MAPK12: variants seen among roughly 807,000 people sequenced by gnomAD.
MAPK12 encodes MAP kinase 12.
A neutral mutation model predicts 49.1 loss-of-function variants in MAPK12; 49 were observed. The observed-to-expected ratio is 1.00, with a 90% CI of 0.79 to 1.27. MAPK12 has a LOEUF of 1.27. MAPK12 is among the 50% of genes most tolerant of loss of function. The pLI is 0.00. For synonymous variants in MAPK12, 251 were observed against 209.7 expected (o/e 1.20, Z -1.70); for missense variants, 554 against 502.4 (o/e 1.10, Z -0.98).
chr22:50,259,965 G>A (rs995953080), intron 2 of MAPK12, among the ~76,000 whole-genome samples: 8 of 146,556 alleles, frequency 5.5e-5, no homozygotes, highest in Non-Finnish European at 7.5e-5. Context: ...GTGGGTGGGA[G>A]CAGGGGGCCG....
In MAPK12 at chr22:50,255,689, C is replaced by A. The variant is rs375314561; in HGVS notation, c.697G>T (p.Asp233Tyr). The A allele has an allele frequency of 6.2e-7, 1 of 1,609,748 alleles. No homozygotes were observed. Among genetic ancestry groups the A allele is most frequent in the South Asian group, 1.1e-5 (1 of 91,062 alleles). Residue 233 changes from aspartate to tyrosine, a missense_variant, in exon 9 of 12, where the codon GAC (aspartate) becomes TAC (tyrosine). By Grantham distance (160) the Asp-to-Tyr change is radical. Transcript: ENST00000215659. ...KTLFKGSDHL[D>Y]QLKEIMKVTG... ...ACCTTCATGATCTCCTTCAGCTGGT[C>A]CAGGTCTGCACCGAGGTCAGGAACA...
At chr22:50,256,799 G>A (rs1410039078) in intron 5 of MAPK12, 136 bp downstream of exon 5, 1 of 1,510,672 alleles carries the variant, frequency 6.6e-7, no homozygotes, top group East Asian at 2.3e-5. Flanking sequence ...TGGGCACCCA[G>A]GCAGGTTCCC....
At position 50,261,389 on chromosome 22, in the gene MAPK12, C is replaced by G; in HGVS notation, c.121G>C (p.Val41Leu). 8.3e-7 allele frequency: 1 copy of G among 1,201,380 alleles called. No individual in the cohort carries two copies. Among genetic ancestry groups the G allele is most frequent in the Non-Finnish European group, 1.1e-6 (1 of 950,144 alleles). The allele number at this position is 1,201,380 out of a possible 1,614,324, so 74.4% of individuals were successfully genotyped here. A position where few individuals can be genotyped will look rare whatever the true frequency, so the allele number is the denominator to read the frequency against. The change falls in exon 1 of 12, where the codon GTG (valine) becomes CTG (leucine). Residue 41 changes from valine to leucine, a missense_variant. Transcript: ENST00000215659. ...CCCCGCCCGGCCCGCGCTCACCACA[C>G]CGCGCCGTAGGCGCCCGAGCCCACG... ...QPVGSGAYGA[V>L]CSAVDGRTGA...
At chr22:50,253,709 T>A in intron 11 of MAPK12, 1 of 580,708 alleles carries the variant, frequency 1.7e-6, no homozygotes, top group South Asian at 2.0e-5. Context: ...CACCACGGTC[T>A]GTCCTAAGAG....
At position 50,253,499 on chromosome 22, in the gene MAPK12, C is replaced by CGGGGGGGGG. The variant is rs762394051; in HGVS notation, c.1025-20_1025-19insCCCCCCCCC. ...GTAACACCTGGCGGGGGTGGGGGGG[C>CGGGGGGGGG]GGGCACAACAGAGAGGGGGGTCAGC... On this transcript the variant is annotated intron_variant, in intron 11 of 11. Coordinates refer to ENST00000215659, the MANE Select transcript of MAPK12 (RefSeq NM_002969.6). 4 of 660,036 alleles carry CGGGGGGGGG rather than the reference C, an allele frequency of 6.1e-6. No individual in the cohort carries two copies. The highest frequency in any genetic ancestry group is 3.9e-5 in the South Asian group (1 of 25,558). 40.9% of individuals were successfully genotyped at this position (660,036 alleles called of 1,614,324 possible).
At chr22:50,253,510 G>T (rs1028221711) in intron 11 of MAPK12, 30 bp from the exon 12 acceptor site, 2 of 840,820 alleles carry the variant, frequency 2.4e-6, no homozygotes, top group Non-Finnish European at 4.0e-6. Flanking sequence ...GGGCACAACA[G>T]AGAGGGGGGT....
chr22:50,258,603 G>A lies in MAPK12; in HGVS notation c.256-302C>T, dbSNP rs74974905. ...TGGGATGGCTCCGAACCATCCAAAGGGCTCCTGCCGCCTGACCCTTTCACC... is the reference window on the plus strand; with the variant it reads ...TGGGATGGCTCCGAACCATCCAAAGAGCTCCTGCCGCCTGACCCTTTCACC... On this transcript the variant is annotated intron_variant, in intron 2 of 11. Transcript: ENST00000215659. 7.9e-4 allele frequency among the ~76,000 whole-genome samples: 120 copies of A among 152,360 alleles called. No individual in the cohort carries two copies. In the East Asian group the frequency reaches 0.016, roughly 21 times the overall value.
chr22:50,255,782 C>G (rs749506892), intron 8 of MAPK12, 28 bp downstream of exon 8: 2 of 1,612,256 alleles, frequency 1.2e-6, no homozygotes, highest in South Asian at 2.2e-5. Flanking sequence ...CCACCCGCCC[C>G]TGGTGCCGCC....
Position 50,255,179 on chromosome 22 carries a change from C to A in MAPK12, c.1024+18G>T, listed in dbSNP as rs1401774490. On this transcript the variant is annotated intron_variant, in intron 11 of 11. Coordinates refer to ENST00000215659, the MANE Select transcript of MAPK12 (RefSeq NM_002969.6). Reference sequence around the variant, plus strand: ...CCACTTGGGTCCACACAGGCCGTGCCAGGAGCCCCCCACTCACGCTTCCAT... The same window carrying A: ...CCACTTGGGTCCACACAGGCCGTGCAAGGAGCCCCCCACTCACGCTTCCAT... 6.2e-7 allele frequency: 1 copy of A among 1,613,290 alleles called. No individual in the cohort carries two copies. Among genetic ancestry groups the A allele is most frequent in the Non-Finnish European group, 8.5e-7 (1 of 1,179,908 alleles).
intron 11 of MAPK12, 22 bp from the exon 12 acceptor site, chr22:50,253,502 G>GGGGGGGGCCCCCCCCCC: frequency 1.7e-5 from 3 of 171,654 alleles, no homozygotes; most frequent in Middle Eastern, 1.3e-3. Flanking sequence ...GGGGGGGCGG[G>GGGGGGGGCCCCCCCCCC]CACAACAGAG....
intron 2 of MAPK12, chr22:50,260,712 GA>G (rs1157272461): frequency 6.5e-6 from 1 of 153,766 alleles, no homozygotes; most frequent in Non-Finnish European, 1.4e-5. Context: ...CACCGGGTCG[GA>G]AGACTCGGGA....
chr22:50,258,469 C>A (rs1190549334), intron 2 of MAPK12, among the ~76,000 whole-genome samples, 168 bp from the exon 3 acceptor site: 3 of 152,184 alleles, frequency 2.0e-5, no homozygotes, highest in African/African-American at 4.8e-5. Flanking sequence ...CCAGCCCTGG[C>A]ACACATACCC....
chr22:50,254,932 TC>T (rs2065132420), intron 11 of MAPK12: 2 of 1,357,954 alleles, frequency 1.5e-6, no homozygotes, highest in African/African-American at 1.5e-5. Context: ...CAGCCAGAGG[TC>T]ATCTCCACCA....
In MAPK12 at chr22:50,261,531, C is replaced by T; in HGVS notation, c.-22G>A. On this transcript the variant is annotated 5_prime_UTR_variant, in exon 1 of 12. In the 5' UTR this introduces an upstream ATG that the reference lacks. Coordinates refer to ENST00000215659, the MANE Select transcript of MAPK12 (RefSeq NM_002969.6). ...TCATGGCAGGCCCGGGAGCTGCCCA[C>T]CCCGCAGAGCCTGCGGGCGGTGCCC... The T allele has an allele frequency of 2.7e-6, 3 of 1,108,042 alleles. No individual in the cohort carries two copies. Among genetic ancestry groups the T allele is most frequent in the Non-Finnish European group, 3.3e-6 (3 of 899,882 alleles). 68.6% of individuals were successfully genotyped at this position (1,108,042 alleles called of 1,614,324 possible).
At chr22:50,261,145 G>A (rs1361451376) in intron 2 of MAPK12, 22 bp downstream of exon 2, 4 of 1,562,596 alleles carry the variant, frequency 2.6e-6, no homozygotes, top group Middle Eastern at 1.8e-4. Context: ...GCGCCTTCCC[G>A]GAGCGGGGCC....
intron 2 of MAPK12, among the ~76,000 whole-genome samples, chr22:50,260,143 G>A (rs1170562439): frequency 6.6e-6 from 1 of 152,054 alleles, no homozygotes; most frequent in Non-Finnish European, 1.5e-5. Context: ...TAGTGAGCTG[G>A]GGGTCAGGGT....
At position 50,256,606 on chromosome 22, in the gene MAPK12, T is replaced by C. The variant is rs1401558955; in HGVS notation, c.497A>G (p.Glu166Gly). The C allele has an allele frequency of 1.2e-6, 2 of 1,611,412 alleles. No homozygotes were observed. Among genetic ancestry groups the C allele is most frequent in the Non-Finnish European group, 1.7e-6 (2 of 1,179,106 alleles). ...CTGCCAGGCAGCACACACCTTCAGC[T>C]CACAGTCTTCGTTCACAGCCAGGTT... ...PGNLAVNEDC[E>G]LKILDFGLAR... The change falls in exon 6 of 12, where the codon GAG becomes GGG. Residue 166 changes from glutamate to glycine, a missense_variant. By Grantham distance (98) the Glu-to-Gly change is moderately conservative (BLOSUM62 -2). Transcript: ENST00000215659.
chr22:50,256,122 G>C lies in MAPK12; in HGVS notation c.582C>G (p.Pro194=), dbSNP rs771623376. Reference sequence around the variant, plus strand: ...AGCGCATCCAATTCAAGATGACCTCGGGAGCCCGGTACCACCGGGTCACCA... The same window carrying C: ...AGCGCATCCAATTCAAGATGACCTCCGGAGCCCGGTACCACCGGGTCACCA... The part of the protein sequence containing the change: ...GYVVTRWYRA[P]EVILNWMRYT... Residue 194 remains proline, a synonymous_variant, in exon 7 of 12, where the codon CCC becomes CCG. Coordinates refer to ENST00000215659, the MANE Select transcript of MAPK12 (RefSeq NM_002969.6). The C allele has an allele frequency of 5.0e-6, 8 of 1,612,604 alleles. No individual in the cohort carries two copies. The South Asian group carries it at 8.8e-5, about 18-fold the overall frequency.
intron 5 of MAPK12, 122 bp from the exon 6 acceptor site, chr22:50,256,768 T>A: frequency 6.6e-7 from 1 of 1,517,034 alleles, no homozygotes; most frequent in Admixed American, 2.2e-5. Flanking sequence ...CTGCAGCCCT[T>A]CAAGGGCAGA....
Sources: gnomAD v4.1 joint callset for allele counts (sites outside exome capture counted in the v4.1 genomes callset) on GRCh38, gnomAD v4.1.1 for gene constraint, MANE v1.5 for transcripts, NCBI Gene and HGNC (gene_info 2026-07-23, HGNC 2026-07-21) for gene names.